CDC42BPB: variants seen among roughly 807,000 people sequenced by gnomAD.
CDC42BPB encodes the protein serine/threonine-protein kinase MRCK beta.
A neutral mutation model predicts 214.9 loss-of-function variants in CDC42BPB; 37 were observed. The observed-to-expected ratio is 0.17, with a 90% CI of 0.13 to 0.23. The LOEUF (loss-of-function observed/expected upper bound fraction) is 0.23, where lower values mean the gene tolerates loss of function less well. CDC42BPB is among the 10% of genes least tolerant of loss of function. The pLI, the probability that CDC42BPB is intolerant of heterozygous loss-of-function variation, is 1.00. For synonymous variants in CDC42BPB, 931 were observed against 884.0 expected (o/e 1.05, Z -0.94); for missense variants, 1,694 against 2,227.0 (o/e 0.76, Z 4.82).
intron 23 of CDC42BPB, among the ~76,000 whole-genome samples, chr14:102,953,624 A>G (rs1892586840): frequency 6.6e-6 from 1 of 152,158 alleles, no homozygotes; most frequent in Non-Finnish European, 1.5e-5. Flanking sequence ...CACCCTGGAG[A>G]CTTTCTGATC....
At chr14:102,960,393 G>A (rs923389631) in intron 20 of CDC42BPB, among the ~76,000 whole-genome samples, 2 of 152,010 alleles carry the variant, frequency 1.3e-5, no homozygotes, top group East Asian at 3.9e-4. Context: ...AAGGTCGGAG[G>A]ACTGCTTGAG....
At chr14:102,940,441 A>G in intron 30 of CDC42BPB, 117 bp from the exon 31 acceptor site, 1 of 1,503,906 alleles carries the variant, frequency 6.6e-7, no homozygotes, top group Non-Finnish European at 8.9e-7. Context: ...CACTGCCCTC[A>G]GCTGGTTCAC....
chr14:102,969,068 G>C (rs1365632067), intron 14 of CDC42BPB, among the ~76,000 whole-genome samples: 1 of 152,256 alleles, frequency 6.6e-6, no homozygotes, highest in Non-Finnish European at 1.5e-5. Context: ...GGGCTGGCGG[G>C]AACTGACAGC....
Position 102,938,404 on chromosome 14 carries a change from A to G in CDC42BPB, c.4835T>C (p.Val1612Ala). 6.5e-7 allele frequency: 1 copy of G among 1,542,364 alleles called. No individual in the cohort carries two copies. ...CGGCCTTTCCTCCTGGGAGGGGGGC[A>G]CAGCACTCTGGGCAGAAATAGCAAC... ...QVLMDLPLSAVPPSQEERPGP... is the reference protein window; with the variant it reads ...QVLMDLPLSAAPPSQEERPGP... Residue 1612 changes from valine (V) to alanine (A), a missense_variant, in exon 35 of 37, where the codon GTG (valine) becomes GCG (alanine). Physicochemically the swap from Val to Ala is moderately conservative, Grantham distance 64. Coordinates refer to ENST00000361246, the MANE Select transcript of CDC42BPB (RefSeq NM_006035.4).
chr14:102,974,467 G>T, intron 11 of CDC42BPB: 2 of 642,214 alleles, frequency 3.1e-6, no homozygotes, highest in Non-Finnish European at 3.9e-6. Flanking sequence ...GTGTCACCCA[G>T]CACAGTGCCT....
intron 36 of CDC42BPB, among the ~76,000 whole-genome samples, chr14:102,935,197 T>TA: frequency 6.6e-6 from 1 of 152,102 alleles, no homozygotes; most frequent in Non-Finnish European, 1.5e-5. Context: ...ATGACATGAT[T>TA]ATACACGTAG....
Position 102,940,099 on chromosome 14 carries a change from T to A in CDC42BPB, c.4538A>T (p.Asn1513Ile). The part of the protein sequence containing the change: ...IRPLNSEGTL[N>I]LLNCEPPRLI... ...GCGTGGAGGCTCGCAGTTGAGGAGG[T>A]TGAGGGTGCCTTCAGAGTTCAGGGG... Residue 1513 changes from asparagine to isoleucine, a missense_variant, in exon 32 of 37, where the codon AAC becomes ATC. Asn to Ile is a moderately radical substitution (Grantham distance 149). This residue lies in a region of CDC42BPB where 567 missense variants were observed against 790.3 expected (regional missense o/e 0.72). Coordinates refer to ENST00000361246, the MANE Select transcript of CDC42BPB (RefSeq NM_006035.4). The A allele has an allele frequency of 6.2e-7, 1 of 1,613,428 alleles. No homozygotes were observed. Among genetic ancestry groups the A allele is most frequent in the East Asian group, 2.2e-5 (1 of 44,848 alleles).
intron 7 of CDC42BPB, 26 bp from the exon 8 acceptor site, chr14:102,981,047 T>G (rs1391533631): frequency 1.9e-6 from 3 of 1,613,590 alleles, no homozygotes; most frequent in Non-Finnish European, 2.5e-6. Flanking sequence ...AAAACACCGG[T>G]GGACAGGTGG....
At chr14:102,993,251 TATA>T (rs148921101) in intron 5 of CDC42BPB, among the ~76,000 whole-genome samples, 5,319 of 152,246 alleles carry the variant, frequency 0.035, 142 homozygotes, top group Non-Finnish European at 0.051. Flanking sequence ...CTTCATACGT[TATA>T]TATACTACGT....
intron 11 of CDC42BPB, among the ~76,000 whole-genome samples, chr14:102,974,501 C>T (rs1893647320): frequency 6.6e-6 from 1 of 152,160 alleles, no homozygotes; most frequent in Non-Finnish European, 1.5e-5. Context: ...TCTCAGCGTG[C>T]AAGAAAAGTT....
chr14:102,954,510 C>T, intron 22 of CDC42BPB, 92 bp downstream of exon 22: 1 of 1,401,912 alleles, frequency 7.1e-7, no homozygotes, highest in Non-Finnish European at 9.7e-7. Context: ...TCGCTGCAAA[C>T]TGTTATGCAG....
chr14:103,014,165 C>CAAACA (rs1566903951), intron 1 of CDC42BPB, among the ~76,000 whole-genome samples: 3 of 24,552 alleles, frequency 1.2e-4, no homozygotes, highest in African/African-American at 3.1e-4. Flanking sequence ...GACTCCGTCT[C>CAAACA]AAAAAAAAAA....
At chr14:102,985,000 G>A (rs1310404252) in intron 6 of CDC42BPB, among the ~76,000 whole-genome samples, 1 of 151,928 alleles carries the variant, frequency 6.6e-6, no homozygotes, top group Non-Finnish European at 1.5e-5. Flanking sequence ...GTGGAGGTGA[G>A]GAGGGTAACC....
At chr14:102,941,227 C>G (rs1891875344) in intron 30 of CDC42BPB, 1 of 985,446 alleles carries the variant, frequency 1.0e-6, no homozygotes, top group Non-Finnish European at 1.2e-6. Flanking sequence ...GGCGGCAAGC[C>G]CCAAATGCAA....
intron 1 of CDC42BPB, among the ~76,000 whole-genome samples, chr14:103,048,062 C>A (rs958385763): frequency 5.9e-5 from 9 of 152,074 alleles, no homozygotes; most frequent in African/African-American, 2.2e-4. Context: ...AGAATCCCTG[C>A]AAGGAATGAA....
At chr14:102,987,679 A>C (rs1894304532) in intron 5 of CDC42BPB, among the ~76,000 whole-genome samples, 2 of 152,296 alleles carry the variant, frequency 1.3e-5, no homozygotes, top group South Asian at 4.2e-4. Flanking sequence ...ACAAAAACAC[A>C]AGGCAAAAGA....
rs34414430 is a variant in CDC42BPB, at chr14:102,940,880, C to T, written c.4409-556G>A. On this transcript the variant is annotated intron_variant, in intron 30 of 36. Transcript: ENST00000361246. ...GGGCGTGGGAAGCCCCTCTGCAGCC[C>T]GGTCTGAGGGCATATGCAAGCGAGG... 7.8e-3 allele frequency: 1,327 copies of T among 170,916 alleles called. 22 individuals are homozygous for T. The highest frequency in any genetic ancestry group is 0.029 in the African/African-American group (1,219 of 42,042). 10.6% of individuals were successfully genotyped at this position (170,916 alleles called of 1,614,324 possible).
intron 6 of CDC42BPB, among the ~76,000 whole-genome samples, chr14:102,984,551 C>T (rs1054917106): frequency 2.0e-5 from 3 of 152,152 alleles, no homozygotes; most frequent in African/African-American, 7.2e-5. Context: ...TCTACATCAG[C>T]AGGCAGGTGC....
chr14:103,037,447 C>T (rs938269980), intron 1 of CDC42BPB, among the ~76,000 whole-genome samples: 4 of 152,144 alleles, frequency 2.6e-5, no homozygotes, highest in Non-Finnish European at 4.4e-5. Flanking sequence ...GTGTGCACCA[C>T]CATGCCCAGC....
Sources: gnomAD v4.1 joint callset for allele counts (sites outside exome capture counted in the v4.1 genomes callset) on GRCh38, gnomAD v4.1.1 for gene constraint, gnomAD v4.1.1 regional missense constraint, MANE v1.5 for transcripts, NCBI Gene and HGNC (gene_info 2026-07-23, HGNC 2026-07-21) for gene names.